The following FCHSD2 variants were observed in gnomAD, a reference collection of about 807,000 sequenced individuals.
FCHSD2 encodes the protein F-BAR and double SH3 domains protein 2.
Under a neutral mutation model 108.1 loss-of-function variants are expected in FCHSD2, and 38 were observed. That is an observed-to-expected ratio of 0.35 (90% confidence interval 0.27 to 0.46). FCHSD2 has a LOEUF of 0.46. Among genes scored for constraint, FCHSD2 ranks in the 20% least tolerant of loss-of-function variants. FCHSD2 has a pLI of 1.00. For synonymous variants in FCHSD2, 279 were observed against 314.7 expected, an observed-to-expected ratio of 0.89 and a Z score of 1.20; for missense variants, 751 against 897.8, an observed-to-expected ratio of 0.84 and a Z score of 2.09.
chr11:72,994,763 C>G (rs1857489524), intron 5 of FCHSD2, among the ~76,000 whole-genome samples: 1 of 151,766 alleles, frequency 6.6e-6, no homozygotes, highest in African/African-American at 2.4e-5. Context: ...GAGACTCCAT[C>G]TCAAAAAACA....
intron 8 of FCHSD2, among the ~76,000 whole-genome samples, chr11:72,959,781 G>A (rs1341538608): frequency 6.6e-6 from 1 of 152,016 alleles, no homozygotes; most frequent in Non-Finnish European, 1.5e-5. Context: ...GATCAAGACA[G>A]ATCATGTACA....
chr11:73,082,748 T>C (rs1320349010), intron 3 of FCHSD2, among the ~76,000 whole-genome samples: 1 of 152,166 alleles, frequency 6.6e-6, no homozygotes, highest in Non-Finnish European at 1.5e-5. Context: ...AAGACAACTT[T>C]TACAATTTGC....
At chr11:72,839,859 G>A (rs760594916) in intron 19 of FCHSD2, among the ~76,000 whole-genome samples, 12 of 152,130 alleles carry the variant, frequency 7.9e-5, no homozygotes, top group Non-Finnish European at 1.2e-4. Context: ...GAGGTCATTC[G>A]GCAAGAGTGC....
intron 3 of FCHSD2, among the ~76,000 whole-genome samples, chr11:73,046,394 T>C (rs1158622155): frequency 1.3e-5 from 2 of 152,146 alleles, no homozygotes; most frequent in East Asian, 3.9e-4. Flanking sequence ...GCATTGTAAA[T>C]AGCTACAAAC....
chr11:72,880,838 A>G (rs1354253682), intron 12 of FCHSD2, among the ~76,000 whole-genome samples: 1 of 150,950 alleles, frequency 6.6e-6, no homozygotes, highest in Non-Finnish European at 1.5e-5. Context: ...ACTGCACTCC[A>G]GCCTGGGTGA....
At chr11:72,968,709 G>C (rs185319571) in intron 8 of FCHSD2, among the ~76,000 whole-genome samples, 71 of 152,254 alleles carry the variant, frequency 4.7e-4, no homozygotes, top group Non-Finnish European at 8.2e-4. Context: ...AGGGTTAAAG[G>C]CTATAAACTA....
chr11:73,027,859 G>A (rs932247183), intron 3 of FCHSD2, among the ~76,000 whole-genome samples: 4 of 152,254 alleles, frequency 2.6e-5, no homozygotes, highest in Non-Finnish European at 4.4e-5. Context: ...GGTACAGCTC[G>A]AGCTGTTGCT....
intron 2 of FCHSD2, among the ~76,000 whole-genome samples, chr11:73,107,222 G>A (rs375284836): frequency 9.1e-4 from 139 of 152,056 alleles, no homozygotes; most frequent in African/African-American, 3.2e-3. Context: ...ACCCAGCTAA[G>A]TTTTGTATTT....
At chr11:72,925,281 C>T (rs1480161770) in intron 8 of FCHSD2, among the ~76,000 whole-genome samples, 5 of 152,170 alleles carry the variant, frequency 3.3e-5, no homozygotes, top group African/African-American at 1.2e-4. Context: ...ATAGATATTT[C>T]TTACTAAAGG....
intron 13 of FCHSD2, among the ~76,000 whole-genome samples, chr11:72,863,660 C>T (rs1441373385): frequency 6.6e-6 from 1 of 151,790 alleles, no homozygotes; most frequent in African/African-American, 2.4e-5. Context: ...TAAAACAAAC[C>T]CAATAAAAAT....
chr11:73,068,481 A>G lies in FCHSD2; in HGVS notation c.165+15214T>C, dbSNP rs371922660. On this transcript the variant is annotated intron_variant, in intron 3 of 19. Coordinates refer to ENST00000409418, the MANE Select transcript of FCHSD2 (RefSeq NM_014824.3). The stretch of plus-strand genomic sequence containing the variant: ...ATTTACCTATGTAACAAACCTGCAC[A>G]TCTTGCATATATACTCCTGAAGTTA... Among the ~76,000 whole-genome samples the G allele has an allele frequency of 3.6e-4, 55 of 152,250 alleles. 1 individual carries two copies. The highest frequency in any genetic ancestry group is 1.2e-3 in the African/African-American group (51 of 41,530).
chr11:72,933,042 T>C lies in FCHSD2; in HGVS notation c.706-11092A>G, dbSNP rs560110869. ...AATATTTTCAGTAGTGGCATCCTTT[T>C]ATGTGGAATTCCAAGACATAAAATA... On this transcript the variant is annotated intron_variant, in intron 8 of 19. Transcript: ENST00000409418. Among the ~76,000 whole-genome samples the C allele has an allele frequency of 1.2e-3, 177 of 152,318 alleles. 1 individual carries two copies. The highest frequency in any genetic ancestry group is 4.1e-3 in the African/African-American group (170 of 41,568).
At chr11:72,850,800 G>A (rs1861263583) in intron 13 of FCHSD2, among the ~76,000 whole-genome samples, 1 of 151,908 alleles carries the variant, frequency 6.6e-6, no homozygotes, top group South Asian at 2.1e-4. Context: ...CATTAAAAAG[G>A]TTTCAGGCCA....
chr11:73,048,071 TA>T (rs57050252), intron 3 of FCHSD2, among the ~76,000 whole-genome samples: 3,913 of 148,204 alleles, frequency 0.026, 157 homozygotes, highest in African/African-American at 0.09. Flanking sequence ...GGCAGGAAGT[TA>T]AAAAAAAAAT....
At chr11:72,908,319 T>C (rs1272777874) in intron 9 of FCHSD2, among the ~76,000 whole-genome samples, 1 of 136,888 alleles carries the variant, frequency 7.3e-6, no homozygotes, top group Non-Finnish European at 1.6e-5. Context: ...TCTTGGCTAT[T>C]GTGAATAGTG....
intron 3 of FCHSD2, among the ~76,000 whole-genome samples, chr11:73,054,958 C>T (rs1858988807): frequency 6.6e-6 from 1 of 152,144 alleles, no homozygotes; most frequent in Non-Finnish European, 1.5e-5. Flanking sequence ...TAAAGACATA[C>T]TTGAGACTGG....
chr11:72,894,478 G>A (rs1199843842), intron 10 of FCHSD2, among the ~76,000 whole-genome samples: 2 of 152,116 alleles, frequency 1.3e-5, no homozygotes, highest in African/African-American at 4.8e-5. Context: ...AGCTATGATT[G>A]TGCCCTCCAG....
intron 8 of FCHSD2, among the ~76,000 whole-genome samples, chr11:72,958,952 C>A (rs767753944): frequency 6.7e-6 from 1 of 150,364 alleles, no homozygotes; most frequent in African/African-American, 2.4e-5. Flanking sequence ...TTTCTTGCTT[C>A]GGCACTCCTA....
At chr11:72,877,641 T>C (rs1186791008) in intron 12 of FCHSD2, among the ~76,000 whole-genome samples, 1 of 152,204 alleles carries the variant, frequency 6.6e-6, no homozygotes, top group Non-Finnish European at 1.5e-5. Context: ...CTTTCAATAG[T>C]TTACTATTAA....
Sources: gnomAD v4.1 joint callset for allele counts (sites outside exome capture counted in the v4.1 genomes callset) on GRCh38, gnomAD v4.1.1 for gene constraint, MANE v1.5 for transcripts, NCBI Gene and HGNC (gene_info 2026-07-23, HGNC 2026-07-21) for gene names.